KATNBL1: variants seen among roughly 807,000 people sequenced by gnomAD.
KATNBL1 encodes the protein KATNB1-like protein 1.
A neutral mutation model predicts 44.7 loss-of-function variants in KATNBL1; 28 were observed. The observed-to-expected ratio is 0.63, with a 90% CI of 0.46 to 0.86. The LOEUF is 0.86. Among genes scored for constraint, KATNBL1 ranks in the 40% least tolerant of loss-of-function variants. The pLI, the probability that KATNBL1 is intolerant of heterozygous loss-of-function variation, is 0.00. For missense variants in KATNBL1, 272 were observed against 350.7 expected (o/e 0.78, Z 1.79); for synonymous variants, 78 against 114.9 (o/e 0.68, Z 2.06).
intron 1 of KATNBL1, among the ~76,000 whole-genome samples, chr15:34,201,452 A>C (rs765419523): frequency 7.2e-5 from 11 of 152,284 alleles, no homozygotes; most frequent in Admixed American, 1.3e-4. Flanking sequence ...TGAAGGGAGA[A>C]GACTTTTCCC....
intron 1 of KATNBL1, among the ~76,000 whole-genome samples, chr15:34,185,665 A>G (rs1889696362): frequency 6.6e-6 from 1 of 152,246 alleles, no homozygotes; most frequent in Non-Finnish European, 1.5e-5. Flanking sequence ...CACTGAGACA[A>G]TGCAGGGAAG....
intron 1 of KATNBL1, among the ~76,000 whole-genome samples, chr15:34,181,041 C>T (rs1889502051): frequency 6.6e-6 from 1 of 152,178 alleles, no homozygotes; most frequent in African/African-American, 2.4e-5. Context: ...TTTGATTTTC[C>T]TGCCACCAGT....
intron 4 of KATNBL1, among the ~76,000 whole-genome samples, chr15:34,150,840 C>A (rs79534745): frequency 1.3e-5 from 2 of 152,320 alleles, no homozygotes; most frequent in East Asian, 3.9e-4. Flanking sequence ...TTAGCTCCCA[C>A]TCCAACTGAG....
chr15:34,191,077 T>C (rs1889857530), intron 1 of KATNBL1, among the ~76,000 whole-genome samples: 1 of 151,354 alleles, frequency 6.6e-6, no homozygotes, highest in South Asian at 2.1e-4. Context: ...ACTTAAAATG[T>C]ATATCCTCCC....
intron 1 of KATNBL1, chr15:34,199,843 GTACGGAAAGAA>G (rs1890130347): frequency 3.0e-3 from 2 of 676 alleles, no homozygotes; most frequent in Non-Finnish European, 4.3e-3. Context: ...AAAGAACAAA[GTACGGAAAGAA>G]CAAAGTTTCC....
chr15:34,181,630 CCATATATATACACAT>C, intron 1 of KATNBL1, among the ~76,000 whole-genome samples: 1 of 118,424 alleles, frequency 8.4e-6, no homozygotes, highest in African/African-American at 3.0e-5. Context: ...ATATATATGT[CCATATATATACACAT>C]ATATATGTCC....
chr15:34,160,056 T>C (rs1888750816), intron 2 of KATNBL1, among the ~76,000 whole-genome samples: 2 of 152,250 alleles, frequency 1.3e-5, no homozygotes, highest in African/African-American at 4.8e-5. Flanking sequence ...ATATAGCCCC[T>C]GACTTCCCTA....
In KATNBL1 at chr15:34,163,582, A is replaced by T; in HGVS notation, c.95T>A (p.Phe32Tyr). 6.3e-7 allele frequency: 1 copy of T among 1,595,184 alleles called. No individual in the cohort carries two copies. The highest frequency in any genetic ancestry group is 8.5e-7 in the Non-Finnish European group (1 of 1,175,402). The change falls in exon 2 of 10, where the codon TTC becomes TAC. Residue 32 changes from phenylalanine to tyrosine, a missense_variant. Transcript: ENST00000256544. ...IDLPRKKISN[F>Y]TNKNMKEVKK... ...TACCTCCTTCATGTTCTTATTAGTG[A>T]AATTAGAGATCTTTTTTCTAGGAAG...
intron 1 of KATNBL1, among the ~76,000 whole-genome samples, chr15:34,207,633 GT>G (rs58890478): frequency 1 from 152,306 of 152,306 alleles, 76,153 homozygotes; most frequent in Non-Finnish European, 1. Context: ...AGCCACACCA[GT>G]TCTGTGGCTG....
intron 2 of KATNBL1, among the ~76,000 whole-genome samples, chr15:34,155,429 G>A (rs1276313436): frequency 6.6e-6 from 1 of 152,156 alleles, no homozygotes; most frequent in African/African-American, 2.4e-5. Context: ...CATCCAACAA[G>A]GATAAGCACT....
At chr15:34,168,663 T>C (rs1293743119) in intron 1 of KATNBL1, among the ~76,000 whole-genome samples, 1 of 152,198 alleles carries the variant, frequency 6.6e-6, no homozygotes, top group Non-Finnish European at 1.5e-5. Context: ...ATCGCACTTA[T>C]TCCAAAATTG....
intron 7 of KATNBL1, 85 bp from the exon 8 acceptor site, chr15:34,146,935 C>A: frequency 6.4e-6 from 5 of 780,462 alleles, no homozygotes; most frequent in South Asian, 1.6e-5. Context: ...TCCCAAAAAA[C>A]ACACACACAC....
rs143016830 is a variant in KATNBL1 at position 34,158,161 on chromosome 15, G to A, written c.118-3477C>T. On this transcript the variant is annotated intron_variant, in intron 2 of 9. Transcript: ENST00000256544. ...AATACTAGGCAACTATCTGTAACCT[G>A]TCATGTCAAAGTGTAAATTGCTACA... Among the ~76,000 whole-genome samples the A allele has an allele frequency of 3.9e-3, 601 of 152,264 alleles. 6 individuals are homozygous for A. The highest frequency in any genetic ancestry group is 0.014 in the African/African-American group (582 of 41,554).
intron 3 of KATNBL1, among the ~76,000 whole-genome samples, chr15:34,153,299 G>T (rs1439753042): frequency 6.6e-6 from 1 of 152,140 alleles, no homozygotes. Flanking sequence ...TAAAAATGAA[G>T]ACAGACATAA....
intron 1 of KATNBL1, among the ~76,000 whole-genome samples, chr15:34,172,095 A>C (rs749986444): frequency 7.9e-5 from 12 of 152,024 alleles, no homozygotes; most frequent in Non-Finnish European, 1.8e-4. Context: ...TAAATAAAGA[A>C]ATAAAAGAAG....
chr15:34,147,424 T>A lies in KATNBL1; in HGVS notation c.564A>T (p.Glu188Asp). The change falls in exon 6 of 10, where the codon GAA becomes GAT. Residue 188 changes from glutamate to aspartate, a missense_variant. Around this residue, in one of 3 missense-constraint regions of KATNBL1, gnomAD observed 111 missense variants for 149.3 expected, o/e 0.74. Transcript: ENST00000256544. ...SELVAYLLRI[E>D]DLGVVVDCLP... is the part of the protein sequence containing the mutation. ...GGCAATCTACCACAACGCCAAGATC[T>A]TCTATCCTGAGAGTATAAAAAGAAT... The A allele has an allele frequency of 6.2e-7, 1 of 1,612,174 alleles. No individual in the cohort carries two copies. The highest frequency in any genetic ancestry group is 8.5e-7 in the Non-Finnish European group (1 of 1,178,300).
At chr15:34,145,053 T>C (rs1470038124) in intron 9 of KATNBL1, 3 of 1,011,090 alleles carry the variant, frequency 3.0e-6, no homozygotes, top group Non-Finnish European at 3.6e-6. Flanking sequence ...ATTATGTTTC[T>C]TATCCCTTGT....
chr15:34,174,078 T>C (rs895988534), intron 1 of KATNBL1, among the ~76,000 whole-genome samples: 13 of 152,234 alleles, frequency 8.5e-5, no homozygotes, highest in African/African-American at 3.1e-4. Context: ...CTTTCATTCT[T>C]GAGTTTTCCA....
intron 1 of KATNBL1, among the ~76,000 whole-genome samples, chr15:34,181,562 A>G (rs1889526262): frequency 1.4e-5 from 2 of 146,142 alleles, no homozygotes; most frequent in Admixed American, 6.9e-5. Context: ...ATATATGTCC[A>G]TATATATATC....
Sources: allele counts gnomAD v4.1 joint callset (sites outside exome capture counted in the v4.1 genomes callset), GRCh38; gene constraint gnomAD v4.1.1; regional missense constraint gnomAD v4.1.1; transcripts MANE v1.5; gene names NCBI Gene and HGNC (gene_info 2026-07-23, HGNC 2026-07-21).